CCDC102B: variants seen among roughly 807,000 people sequenced by gnomAD.
The protein encoded by CCDC102B is coiled-coil domain-containing protein 102B.
Under a neutral mutation model 57.4 loss-of-function variants are expected in CCDC102B, and 75 were observed. The ratio of observed to expected loss-of-function variants is 1.31; its 90% CI spans 1.08 to 1.58. The LOEUF (loss-of-function observed/expected upper bound fraction) is 1.58. Ranked by LOEUF, CCDC102B falls within the 40% of genes most tolerant of loss-of-function variation. CCDC102B has a pLI of 0.00. For synonymous variants in CCDC102B, 206 were observed against 201.9 expected (o/e 1.02, Z -0.17); for missense variants, 636 against 582.6 (o/e 1.09, Z -0.94).
At chr18:68,947,202 G>T (rs530952591) in intron 6 of CCDC102B, among the ~76,000 whole-genome samples, 3 of 151,638 alleles carry the variant, frequency 2.0e-5, no homozygotes, top group African/African-American at 7.3e-5. Flanking sequence ...AGATAGAGGG[G>T]CATCAGTGGC....
chr18:68,982,270 T>A (rs1046910556), intron 6 of CCDC102B, among the ~76,000 whole-genome samples: 3 of 152,072 alleles, frequency 2.0e-5, no homozygotes, highest in East Asian at 3.9e-4. Context: ...TGCATGAATG[T>A]TTTAATTTGA....
rs74904715 is a variant in CCDC102B, at chr18:68,734,348, G to A, written c.-67+17754G>A. Among the ~76,000 whole-genome samples the A allele has an allele frequency of 7.2e-3, 1,096 of 152,300 alleles. 17 individuals are homozygous for A. The highest frequency in any genetic ancestry group is 0.025 in the African/African-American group (1,037 of 41,572). ...ATTACCAGAGGCTGCAGCGTTAGGG[G>A]TGTAGAGATTAGCCAGAAAAGCAGG... On this transcript the variant is annotated intron_variant, in intron 2 of 3. Coordinates refer to the CCDC102B transcript ENST00000578970.
Position 68,785,255 on chromosome 18 carries a change from C to T in CCDC102B, c.-66-38111C>T, listed in dbSNP as rs200600243. ...TTGGACATTTGGGTTGGTTCCAAGTCTTTGCTATTGTGAATAATGTCACAA... is the reference window on the plus strand; with the variant it reads ...TTGGACATTTGGGTTGGTTCCAAGTTTTTGCTATTGTGAATAATGTCACAA... On this transcript the variant is annotated intron_variant, in intron 2 of 3. Transcript: ENST00000578970. Among the ~76,000 whole-genome samples, 270 of 151,994 alleles carry T rather than the reference C, an allele frequency of 1.8e-3. 3 individuals carry two copies. In the East Asian group the frequency reaches 0.042, roughly 24 times the overall value.
chr18:68,755,473 A>G (rs1044646624), intron 2 of CCDC102B, among the ~76,000 whole-genome samples: 1 of 152,156 alleles, frequency 6.6e-6, no homozygotes, highest in African/African-American at 2.4e-5. Context: ...CTACACATGA[A>G]AGAGATTCAT....
At chr18:68,782,652 C>A (rs921096485) in intron 2 of CCDC102B, among the ~76,000 whole-genome samples, 42 of 152,206 alleles carry the variant, frequency 2.8e-4, no homozygotes, top group African/African-American at 9.4e-4. Flanking sequence ...TCTCTAATTT[C>A]CAGTAGTTGG....
intron 2 of CCDC102B, among the ~76,000 whole-genome samples, chr18:68,735,566 A>C (rs2033088322): frequency 6.6e-6 from 1 of 151,978 alleles, no homozygotes; most frequent in African/African-American, 2.4e-5. Context: ...ATGTTCTAAA[A>C]TTTCTCTCTA....
chr18:68,955,799 T>C (rs1054995886), intron 6 of CCDC102B, among the ~76,000 whole-genome samples: 2 of 152,012 alleles, frequency 1.3e-5, no homozygotes, highest in Admixed American at 1.3e-4. Context: ...ATAGTAGATG[T>C]ATTAAATTAT....
intron 6 of CCDC102B, among the ~76,000 whole-genome samples, chr18:68,990,866 A>G (rs1360682126): frequency 6.6e-6 from 1 of 152,164 alleles, no homozygotes; most frequent in Non-Finnish European, 1.5e-5. Flanking sequence ...TACTTTGGTA[A>G]GTTATCTTCT....
chr18:69,057,453 G>T (rs12458569), downstream of CCDC102B, among the ~76,000 whole-genome samples: 119,857 of 151,816 alleles, frequency 0.79, 50,937 homozygotes, highest in Non-Finnish European at 0.95. Context: ...CTGGGGTGAG[G>T]AATACAGCTG....
At position 68,857,226 on chromosome 18, in the gene CCDC102B, AT is replaced by A. The variant is rs375865287; in HGVS notation, c.936+10810del. Among the ~76,000 whole-genome samples the A allele has an allele frequency of 1.4e-3, 64 of 45,752 alleles. 10 individuals are homozygous for A. The highest frequency in any genetic ancestry group is 3.1e-3 in the African/African-American group (38 of 12,402). 30.0% of individuals were successfully genotyped at this position (45,752 alleles called of 152,430 possible). On this transcript the variant is annotated intron_variant, in intron 4 of 7. Transcript: ENST00000360242. ...ATAATATATAAAAATATATTTATAT[AT>A]TTTTATATATAAATATATATTTATT...
chr18:69,037,028 TACACACACACACAC>T (rs3059238), intron 7 of CCDC102B, among the ~76,000 whole-genome samples: 1 of 149,938 alleles, frequency 6.7e-6, no homozygotes, highest in South Asian at 2.1e-4. Context: ...GGTGTATATA[TACACACACACACAC>T]ACACACACAC....
chr18:68,993,269 G>A (rs12604295), intron 6 of CCDC102B: 130,938 of 152,430 alleles, frequency 0.86, 58,155 homozygotes, highest in Non-Finnish European at 0.97. Context: ...CTTTCCTGCA[G>A]CTGTGCCCTC....
chr18:68,811,050 AGTATTCCATG>A (rs1165794743), intron 1 of CCDC102B, among the ~76,000 whole-genome samples: 4 of 152,186 alleles, frequency 2.6e-5, no homozygotes, highest in Non-Finnish European at 4.4e-5. Flanking sequence ...ATGGCTGCAT[AGTATTCCATG>A]GTGTATATGT....
At chr18:68,874,834 G>A (rs753898968) in intron 5 of CCDC102B, 49 bp downstream of exon 5, 7 of 1,146,860 alleles carry the variant, frequency 6.1e-6, no homozygotes, top group Non-Finnish European at 9.1e-6. Flanking sequence ...ATAACTGACT[G>A]TTGTTAAATG....
intron 2 of CCDC102B, among the ~76,000 whole-genome samples, chr18:68,719,055 T>C (rs1303317453): frequency 6.6e-6 from 1 of 152,024 alleles, no homozygotes; most frequent in African/African-American, 2.4e-5. Flanking sequence ...TTTATGAAAA[T>C]ACATAAGAAA....
intron 6 of CCDC102B, among the ~76,000 whole-genome samples, chr18:68,902,688 A>C (rs1233064659): frequency 6.6e-6 from 1 of 152,182 alleles, no homozygotes; most frequent in Non-Finnish European, 1.5e-5. Flanking sequence ...CCTTCTCATG[A>C]AGCCTGCTAC....
chr18:68,790,585 C>A (rs201406386), intron 2 of CCDC102B, among the ~76,000 whole-genome samples: 1 of 152,260 alleles, frequency 6.6e-6, no homozygotes, highest in East Asian at 1.9e-4. Context: ...GGGAGTGACC[C>A]GATTTTCCAG....
intron 2 of CCDC102B, among the ~76,000 whole-genome samples, chr18:68,789,054 A>G (rs369328425): frequency 6.6e-6 from 1 of 152,036 alleles, no homozygotes; most frequent in African/African-American, 2.4e-5. Flanking sequence ...GCATTTGCTT[A>G]TCTGTAAAGT....
At position 69,023,470 on chromosome 18, in the gene CCDC102B, T is replaced by A. The variant is rs188847180; in HGVS notation, c.1434+12366T>A. ...TGTAGTGGTATTTAATACTTCAGAA[T>A]TTAACAAATAATGTAATAATATAAT... On this transcript the variant is annotated intron_variant, in intron 7 of 7. Transcript: ENST00000360242. 3.0e-3 allele frequency among the ~76,000 whole-genome samples: 449 copies of A among 152,044 alleles called. 2 individuals are homozygous for A. Among genetic ancestry groups the A allele is most frequent in the African/African-American group, 0.01 (432 of 41,520 alleles).
Sources: gnomAD v4.1 joint callset for allele counts (sites outside exome capture counted in the v4.1 genomes callset) on GRCh38, gnomAD v4.1.1 for gene constraint, MANE v1.5 for transcripts, NCBI Gene and HGNC (gene_info 2026-07-23, HGNC 2026-07-21) for gene names.